LOXL4: variants seen among roughly 807,000 people sequenced by gnomAD.
LOXL4 encodes lysyl oxidase homolog 4.
LOXL4 carries 72 observed loss-of-function variants against 89.1 expected under a neutral mutation model. The observed-to-expected ratio is 0.81, with a 90% CI of 0.67 to 0.98. The LOEUF is 0.98. LOXL4 is among the 50% of genes least tolerant of loss of function. The pLI, the probability that LOXL4 is intolerant of heterozygous loss-of-function variation, is 0.00. For synonymous variants in LOXL4, 355 were observed against 392.1 expected (o/e 0.91, Z 1.12); for missense variants, 984 against 1,017.5 (o/e 0.97, Z 0.45).
intron 1 of LOXL4, among the ~76,000 whole-genome samples, chr10:98,267,406 C>T (rs1483720778): frequency 1.3e-5 from 2 of 152,204 alleles, no homozygotes; most frequent in Admixed American, 1.3e-4. Flanking sequence ...TGGGACCTGG[C>T]CTGACCTAGC....
intron 1 of LOXL4, among the ~76,000 whole-genome samples, chr10:98,264,425 G>A (rs1858630527): frequency 6.6e-6 from 1 of 150,448 alleles, no homozygotes; most frequent in South Asian, 2.1e-4. Flanking sequence ...CCACAGTGTG[G>A]GGGTTTGGAG....
chr10:98,256,337 C>T (rs1858363298), intron 9 of LOXL4: 1 of 216,044 alleles, frequency 4.6e-6, no homozygotes, highest in Non-Finnish European at 9.0e-6. Context: ...CAACGTTTTC[C>T]AAACAGCAAA....
chr10:98,263,477 C>T (rs1210592246), intron 1 of LOXL4, among the ~76,000 whole-genome samples: 2 of 151,238 alleles, frequency 1.3e-5, no homozygotes, highest in African/African-American at 4.9e-5. Flanking sequence ...CCATTTGAGT[C>T]ACGGGGATGC....
intron 1 of LOXL4, among the ~76,000 whole-genome samples, chr10:98,264,699 G>C (rs1488851212): frequency 6.6e-6 from 1 of 152,072 alleles, no homozygotes; most frequent in African/African-American, 2.4e-5. Flanking sequence ...AGAGGAGAGA[G>C]TCTCAGCTGG....
At chr10:98,261,757 T>C (rs1246443623) in intron 3 of LOXL4, among the ~76,000 whole-genome samples, 1 of 152,252 alleles carries the variant, frequency 6.6e-6, no homozygotes, top group Non-Finnish European at 1.5e-5. Flanking sequence ...GCCTCATGGA[T>C]GAGGGAGCCC....
chr10:98,257,517 G>T, intron 8 of LOXL4, 133 bp downstream of exon 8: 4 of 1,118,562 alleles, frequency 3.6e-6, no homozygotes, highest in Non-Finnish European at 5.1e-6. Context: ...CTAAGGGAAG[G>T]CAGACTGGTG....
At chr10:98,265,418 T>A (rs1176822027) in intron 1 of LOXL4, among the ~76,000 whole-genome samples, 1 of 66,332 alleles carries the variant, frequency 1.5e-5, no homozygotes, top group Admixed American at 1.2e-4. Context: ...TATTATTATT[T>A]TTGAGACAGA....
At chr10:98,252,090 T>A (rs117017069) in intron 12 of LOXL4, 44 of 509,866 alleles carry the variant, frequency 8.6e-5, no homozygotes, top group Non-Finnish European at 1.4e-4. Context: ...TCAGCAGAGA[T>A]AGGACAGGTC....
rs1276434471 is a variant in LOXL4, at chr10:98,257,671, A to G, written c.1239T>C (p.Pro413=). The change falls in exon 8 of 15, where the codon CCT becomes CCC. Residue 413 remains proline (P), a synonymous_variant. Transcript: ENST00000260702. ...ENDAAVRCNV[P]NMGFQNQVRL... The stretch of plus-strand genomic sequence containing the variant: ...TCACCTGATTCTGAAAGCCCATGTT[A>G]GGGACATTGCACCTGACAGCAGCAT... The G allele has an allele frequency of 6.2e-7, 1 of 1,613,828 alleles. No homozygotes were observed. Among genetic ancestry groups the G allele is most frequent in the African/African-American group, 1.3e-5 (1 of 74,918 alleles).
intron 14 of LOXL4, among the ~76,000 whole-genome samples, chr10:98,249,930 T>G (rs1858141130): frequency 6.6e-6 from 1 of 152,230 alleles, no homozygotes; most frequent in Non-Finnish European, 1.5e-5. Context: ...AGTTATTTTT[T>G]GAAAACCTAA....
At chr10:98,266,846 C>T (rs911601846) in intron 1 of LOXL4, among the ~76,000 whole-genome samples, 2 of 152,176 alleles carry the variant, frequency 1.3e-5, no homozygotes, top group Non-Finnish European at 2.9e-5. Flanking sequence ...TTCCACAAAG[C>T]ACATTGTGTG....
chr10:98,257,723 G>T lies in LOXL4; in HGVS notation c.1187C>A (p.Ser396Tyr). 6.2e-7 allele frequency: 1 copy of T among 1,614,092 alleles called. No individual in the cohort carries two copies. The highest frequency in any genetic ancestry group is 8.5e-7 in the Non-Finnish European group (1 of 1,179,988). ...ATTCTCATGTTGGCAACCATTCTGG[G>T]ACCCTTCCAGGGCAGGGCAGTCGCT... is the stretch of plus-strand genomic sequence containing the variant. ...TLSDCPALEG[S>Y]QNGCQHENDA... The change falls in exon 8 of 15, where the codon TCC becomes TAC. Residue 396 changes from serine to tyrosine, a missense_variant. Transcript: ENST00000260702.
intron 12 of LOXL4, chr10:98,252,013 C>A: frequency 2.1e-6 from 1 of 483,712 alleles, no homozygotes. Context: ...GTTTACCATG[C>A]AGTTCCTAAG....
rs756196901 is a variant in LOXL4, at chr10:98,251,559, GCCTTACCTGGAAGATATAATT to G, written c.2074_2088+6del. On this transcript the variant is annotated splice_donor_variant and splice_donor_5th_base_variant and coding_sequence_variant and intron_variant, in exon 13 of 15. Transcript: ENST00000260702. LOFTEE classifies it high-confidence loss of function. ...AGGCTCTGTGGGGAATCCCCCAGCC[GCCTTACCTGGAAGATATAATT>G]CCCGGGGCCCACATCTGTGATATCC... The G allele has an allele frequency of 1.2e-6, 2 of 1,613,814 alleles. No homozygotes were observed. The highest frequency in any genetic ancestry group is 2.2e-5 in the South Asian group (2 of 91,010).
intron 3 of LOXL4, 38 bp from the exon 4 acceptor site, chr10:98,261,165 C>T: frequency 6.3e-7 from 1 of 1,597,650 alleles, no homozygotes; most frequent in Non-Finnish European, 8.5e-7. Flanking sequence ...CTCGGGGCTC[C>T]TGCTCCTCCA....
intron 12 of LOXL4, 113 bp downstream of exon 12, chr10:98,252,240 G>T: frequency 2.7e-6 from 2 of 740,084 alleles, no homozygotes; most frequent in South Asian, 1.8e-5. Flanking sequence ...TTCAAGCCAG[G>T]GTCTCCAGGT....
intron 10 of LOXL4, among the ~76,000 whole-genome samples, chr10:98,255,144 C>T (rs989106601): frequency 2.0e-5 from 3 of 151,968 alleles, no homozygotes; most frequent in Non-Finnish European, 4.4e-5. Flanking sequence ...GGCCTTGGCC[C>T]CGGGTGTGCT....
At chr10:98,260,451 G>C (rs1437095693) in intron 4 of LOXL4, among the ~76,000 whole-genome samples, 1 of 143,814 alleles carries the variant, frequency 7.0e-6, no homozygotes, top group Non-Finnish European at 1.5e-5. Context: ...GCGGTTTTAT[G>C]TTCAACTGTT....
intron 14 of LOXL4, 82 bp from the exon 15 acceptor site, chr10:98,249,073 C>T: frequency 4.8e-6 from 5 of 1,042,032 alleles, no homozygotes; most frequent in South Asian, 1.4e-5. Context: ...ATCCACTCTG[C>T]CCAGCTCATC....
Sources: gnomAD v4.1 joint callset for allele counts (sites outside exome capture counted in the v4.1 genomes callset) on GRCh38, gnomAD v4.1.1 for gene constraint, MANE v1.5 for transcripts, NCBI Gene and HGNC (gene_info 2026-07-23, HGNC 2026-07-21) for gene names.